Variants in MLLT10 observed in about 807,000 individuals in gnomAD.
The protein encoded by MLLT10 is protein AF-10.
MLLT10 carries 30 observed loss-of-function variants against 129.1 expected under a neutral mutation model. That is an observed-to-expected ratio of 0.23 (90% CI 0.17 to 0.32). The LOEUF (loss-of-function observed/expected upper bound fraction) is 0.32, where lower values mean the gene tolerates loss of function less well. MLLT10 is among the 10% of genes least tolerant of loss of function. The probability of loss-of-function intolerance (pLI) is 1.00; values close to 1 mark genes in which losing one functional copy is unlikely to be tolerated. For synonymous variants in MLLT10, 490 were observed against 446.4 expected (o/e 1.10, Z -1.23); for missense variants, 1,119 against 1,268.3 (o/e 0.88, Z 1.79).
At chr10:21,555,189 GT>G (rs1228667911) in intron 3 of MLLT10, among the ~76,000 whole-genome samples, 1 of 151,874 alleles carries the variant, frequency 6.6e-6, no homozygotes, top group Non-Finnish European at 1.5e-5. Flanking sequence ...TTCTGTTCAA[GT>G]TTCTTGGATA....
intron 3 of MLLT10, among the ~76,000 whole-genome samples, chr10:21,562,093 A>C (rs553854248): frequency 6.6e-6 from 1 of 152,180 alleles, no homozygotes; most frequent in African/African-American, 2.4e-5. Flanking sequence ...GGCGTGAGCC[A>C]CTGTGCTTGG....
At chr10:21,697,975 G>T (rs1029492096) in intron 13 of MLLT10, among the ~76,000 whole-genome samples, 1 of 152,146 alleles carries the variant, frequency 6.6e-6, no homozygotes, top group East Asian at 1.9e-4. Context: ...ACGTTTGAGT[G>T]TTTGTTACAT....
chr10:21,612,303 T>C, intron 5 of MLLT10, 45 bp from the exon 6 acceptor site: 1 of 1,211,024 alleles, frequency 8.3e-7, no homozygotes, highest in Non-Finnish European at 1.2e-6. Context: ...CTGATTCATG[T>C]TAAGAACATG....
chr10:21,590,678 C>T (rs1274933070), intron 4 of MLLT10, among the ~76,000 whole-genome samples: 1 of 152,122 alleles, frequency 6.6e-6, no homozygotes, highest in Non-Finnish European at 1.5e-5. Context: ...ATTTTGCTAG[C>T]AATGGTAGTA....
intron 4 of MLLT10, among the ~76,000 whole-genome samples, chr10:21,594,558 A>G (rs2042847415): frequency 6.8e-6 from 1 of 146,942 alleles, no homozygotes; most frequent in South Asian, 2.2e-4. Context: ...TGTCTCAAAA[A>G]AAAAAAAAAA....
Position 21,742,070 on chromosome 10 carries a change from A to G in MLLT10, c.*87A>G. The G allele has an allele frequency of 8.3e-7, 1 of 1,203,918 alleles. No individual in the cohort carries two copies. The allele number at this position is 1,203,918 out of a possible 1,614,324, so 74.6% of individuals were successfully genotyped here. On this transcript the variant is annotated 3_prime_UTR_variant, in exon 23 of 23. Coordinates refer to ENST00000307729, the MANE Select transcript of MLLT10 (RefSeq NM_001195626.3). ...TGCAGTCCTTTTACTACAGCTATGA[A>G]GAAACGCAACAAGAAACTCAATGCA... is the stretch of plus-strand genomic sequence containing the variant.
intron 3 of MLLT10, among the ~76,000 whole-genome samples, chr10:21,555,937 G>C (rs1263807003): frequency 6.6e-6 from 1 of 151,392 alleles, no homozygotes; most frequent in Admixed American, 6.6e-5. Flanking sequence ...AAAGTGCTGG[G>C]ATTACAGCAC....
intron 14 of MLLT10, among the ~76,000 whole-genome samples, chr10:21,716,623 A>C (rs888517232): frequency 2.0e-5 from 3 of 149,962 alleles, no homozygotes; most frequent in Non-Finnish European, 4.5e-5. Flanking sequence ...GAACATGGGA[A>C]GTGGAGGCTG....
At chr10:21,579,482 G>A (rs767415181) in intron 3 of MLLT10, among the ~76,000 whole-genome samples, 2 of 147,910 alleles carry the variant, frequency 1.4e-5, no homozygotes, top group Non-Finnish European at 3.0e-5. Flanking sequence ...GAGACCTTTT[G>A]GTACTGTCCT....
intron 4 of MLLT10, among the ~76,000 whole-genome samples, chr10:21,588,982 C>T (rs2042254643): frequency 6.6e-6 from 1 of 151,952 alleles, no homozygotes; most frequent in Admixed American, 6.6e-5. Context: ...CACCACCGCG[C>T]CCAGCTGATT....
chr10:21,550,777 C>G (rs938488630), intron 3 of MLLT10, among the ~76,000 whole-genome samples: 2 of 152,068 alleles, frequency 1.3e-5, no homozygotes, highest in Non-Finnish European at 2.9e-5. Flanking sequence ...AGTGATTTGC[C>G]TGACTCAGCC....
rs116705664 is a variant in MLLT10, at chr10:21,667,617, A to G, written c.796-2832A>G. 4.8e-3 allele frequency among the ~76,000 whole-genome samples: 736 copies of G among 151,806 alleles called. 3 individuals carry two copies. Among genetic ancestry groups the G allele is most frequent in the African/African-American group, 0.017 (702 of 41,398 alleles). The stretch of plus-strand genomic sequence containing the variant: ...GCTTGGTACAAAGTTTGTGGTTTTT[A>G]TGGGACACTTGAATAGTACATTATT... On this transcript the variant is annotated intron_variant, in intron 9 of 22. Coordinates refer to ENST00000307729, the MANE Select transcript of MLLT10 (RefSeq NM_001195626.3).
intron 5 of MLLT10, among the ~76,000 whole-genome samples, chr10:21,600,687 A>G (rs2043440295): frequency 6.6e-6 from 1 of 152,164 alleles, no homozygotes; most frequent in Non-Finnish European, 1.5e-5. Flanking sequence ...TTTCTGGAAA[A>G]TTGAATCATT....
At chr10:21,673,315 C>CACCA in intron 10 of MLLT10, 35 bp from the exon 11 acceptor site, 1 of 616,716 alleles carries the variant, frequency 1.6e-6, no homozygotes, top group East Asian at 4.3e-5. Flanking sequence ...CCCCACCCCC[C>CACCA]AACTTTTTTT....
chr10:21,615,475 G>GAAAAA (rs796530703), intron 7 of MLLT10, among the ~76,000 whole-genome samples: 1 of 104,294 alleles, frequency 9.6e-6, no homozygotes, highest in Non-Finnish European at 2.2e-5. Context: ...AAAAAAAAAA[G>GAAAAA]AAAAAAAAAA....
chr10:21,716,531 A>G (rs944271929), intron 14 of MLLT10, among the ~76,000 whole-genome samples: 3 of 152,022 alleles, frequency 2.0e-5, no homozygotes. Context: ...TGTCTCTACT[A>G]AAAAATTCAA....
At chr10:21,718,920 C>T (rs1291020277) in intron 14 of MLLT10, among the ~76,000 whole-genome samples, 1 of 152,180 alleles carries the variant, frequency 6.6e-6, no homozygotes, top group Non-Finnish European at 1.5e-5. Flanking sequence ...GATGGGGTTT[C>T]ACCATGTTGG....
chr10:21,737,068 G>A (rs891787870), intron 21 of MLLT10, among the ~76,000 whole-genome samples: 7 of 105,442 alleles, frequency 6.6e-5, no homozygotes, highest in African/African-American at 2.0e-4. Flanking sequence ...GGTAGGGTAA[G>A]AAAGAATTGA....
At chr10:21,556,716 G>A (rs1402625393) in intron 3 of MLLT10, 13 of 1,612,454 alleles carry the variant, frequency 8.1e-6, no homozygotes, top group Non-Finnish European at 1.1e-5. Context: ...CACTGCGCAT[G>A]TGCATCTCCC....
Sources: gnomAD v4.1 joint callset for allele counts (sites outside exome capture counted in the v4.1 genomes callset) on GRCh38, gnomAD v4.1.1 for gene constraint, MANE v1.5 for transcripts, NCBI Gene and HGNC (gene_info 2026-07-23, HGNC 2026-07-21) for gene names.